The following TUSC3 variants were observed in gnomAD, a reference collection of about 807,000 sequenced individuals.
TUSC3 encodes tumor suppressor candidate 3.
A neutral mutation model predicts 44.8 loss-of-function variants in TUSC3; 45 were observed. The observed-to-expected ratio is 1.00, with a 90% CI of 0.79 to 1.29. The LOEUF is 1.29. TUSC3 is among the 50% of genes most tolerant of loss of function. The pLI is 0.00. For synonymous variants in TUSC3, 212 were observed against 152.9 expected (o/e 1.39, Z -2.85); for missense variants, 519 against 437.9 (o/e 1.19, Z -1.65).
rs1220842368 is a variant in TUSC3, at chr8:15,764,260, A to C, written c.*104A>C. The C allele has an allele frequency of 6.3e-7, 1 of 1,592,922 alleles. No individual in the cohort carries two copies. ...CATAAAGTGAATGTTTACCATGAAG[A>C]TAAACTGTTCCTGACTTTATACTAT... On this transcript the variant is annotated 3_prime_UTR_variant, in exon 11 of 11. Coordinates refer to ENST00000503731, the MANE Select transcript of TUSC3 (RefSeq NM_006765.4).
intron 8 of TUSC3, 49 bp from the exon 9 acceptor site, chr8:15,748,326 T>G (rs757178128): frequency 7.3e-7 from 1 of 1,373,964 alleles, no homozygotes; most frequent in Admixed American, 1.7e-5. Context: ...CAATTGGGGT[T>G]TCATTTGCAT....
At chr8:15,441,878 A>T (rs28650776) in intron 1 of TUSC3, among the ~76,000 whole-genome samples, 24,726 of 152,074 alleles carry the variant, frequency 0.16, 2,086 homozygotes, top group Middle Eastern at 0.23. Context: ...ATTTTACTAG[A>T]TACCAGCTAT....
chr8:15,697,614 C>A (rs1042269948), intron 6 of TUSC3, among the ~76,000 whole-genome samples: 3 of 152,242 alleles, frequency 2.0e-5, no homozygotes, highest in African/African-American at 7.2e-5. Context: ...GCTGCACATA[C>A]CTGTTGAATG....
chr8:15,681,803 A>C (rs1362668528), intron 6 of TUSC3, among the ~76,000 whole-genome samples: 2 of 151,946 alleles, frequency 1.3e-5, no homozygotes, highest in Non-Finnish European at 2.9e-5. Context: ...GGTATTTAAC[A>C]CTATAAACAT....
intron 6 of TUSC3, among the ~76,000 whole-genome samples, chr8:15,708,629 G>T (rs1339040042): frequency 6.6e-6 from 1 of 151,870 alleles, no homozygotes; most frequent in African/African-American, 2.4e-5. Flanking sequence ...TAAGAATTTT[G>T]GTGGAGAAGA....
chr8:15,688,012 G>C (rs536303309), intron 6 of TUSC3, among the ~76,000 whole-genome samples: 1 of 151,974 alleles, frequency 6.6e-6, no homozygotes, highest in South Asian at 2.1e-4. Context: ...AGAGGAGAAA[G>C]GATAAGAACA....
intron 2 of TUSC3, among the ~76,000 whole-genome samples, chr8:15,522,515 G>C (rs1449910235): frequency 6.6e-6 from 1 of 151,458 alleles, no homozygotes; most frequent in Non-Finnish European, 1.5e-5. Flanking sequence ...TCACCGGTAT[G>C]AGCCACCATG....
intron 1 of TUSC3, among the ~76,000 whole-genome samples, chr8:15,463,577 G>T (rs550147309): frequency 1.3e-5 from 2 of 152,172 alleles, no homozygotes; most frequent in South Asian, 4.1e-4. Flanking sequence ...GAATGGTCTA[G>T]TGGCTCTTCA....
intron 6 of TUSC3, among the ~76,000 whole-genome samples, chr8:15,695,908 A>G (rs1252933235): frequency 6.6e-6 from 1 of 152,174 alleles, no homozygotes. Flanking sequence ...AAAGCATTCA[A>G]GAAGTGAGGT....
At chr8:15,722,464 ACCATTTGGTTCTT>A (rs1161790339) in intron 6 of TUSC3, among the ~76,000 whole-genome samples, 3 of 152,034 alleles carry the variant, frequency 2.0e-5, no homozygotes, top group Non-Finnish European at 4.4e-5. Flanking sequence ...CTGCTAGCCC[ACCATTTGGTTCTT>A]CCATCTCCAA....
chr8:15,638,253 T>A (rs1198473712), intron 2 of TUSC3, among the ~76,000 whole-genome samples: 2 of 150,550 alleles, frequency 1.3e-5, no homozygotes, highest in African/African-American at 4.9e-5. Flanking sequence ...CATGGATTAC[T>A]GAAGTTATAA....
Position 15,623,335 on chromosome 8 carries a change from T to C in TUSC3, c.308+86T>C, listed in dbSNP as rs903432740. The C allele has an allele frequency of 3.8e-6, 5 of 1,314,208 alleles. No homozygotes were observed. In the African/African-American group the frequency reaches 7.5e-5, roughly 20 times the overall value. The allele number at this position is 1,314,208 out of a possible 1,614,324, so 81.4% of individuals were successfully genotyped here. On this transcript the variant is annotated intron_variant, in intron 2 of 10. Coordinates refer to ENST00000503731, the MANE Select transcript of TUSC3 (RefSeq NM_006765.4). ...ATGTTCATTTTAAGATAAATATATG[T>C]AAGATAAACAGTTGTTTAATAGTCA... is the stretch of plus-strand genomic sequence containing the variant.
At chr8:15,478,786 G>A (rs533510238) in intron 1 of TUSC3, among the ~76,000 whole-genome samples, 1 of 152,130 alleles carries the variant, frequency 6.6e-6, no homozygotes, top group Non-Finnish European at 1.5e-5. Context: ...TACTCCTTTG[G>A]GTATATACCT....
At chr8:15,588,327 T>G (rs796354686) in intron 1 of TUSC3, among the ~76,000 whole-genome samples, 20 of 152,314 alleles carry the variant, frequency 1.3e-4, no homozygotes, top group African/African-American at 4.6e-4. Flanking sequence ...TGCACATTTT[T>G]TCAGATACTT....
At chr8:15,597,073 G>C (rs1804104203) in intron 1 of TUSC3, among the ~76,000 whole-genome samples, 1 of 152,050 alleles carries the variant, frequency 6.6e-6, no homozygotes, top group Non-Finnish European at 1.5e-5. Context: ...ATGTCAGCAG[G>C]GGTGGTACAG....
At chr8:15,827,133 T>C in the TUSC3 span, among the ~76,000 whole-genome samples, 1 of 152,124 alleles carries the variant, frequency 6.6e-6, no homozygotes. Flanking sequence ...ATGGAGGCAA[T>C]TTAGAGACTA....
rs374512543 is a variant in TUSC3, at chr8:15,450,105, C to T, written n.91+32800C>T. Among the ~76,000 whole-genome samples, 99 of 152,178 alleles carry T rather than the reference C, an allele frequency of 6.5e-4. 2 individuals carry two copies. In the South Asian group the frequency reaches 0.015, roughly 24 times the overall value. On this transcript the variant is annotated intron_variant and non_coding_transcript_variant, in intron 1 of 5. Coordinates refer to the TUSC3 transcript ENST00000503191. The stretch of plus-strand genomic sequence containing the variant: ...ATTCTTGTCATTGAGTGACACATGA[C>T]GACTGTATGTTTATCTTTATAAACA...
intron 10 of TUSC3, among the ~76,000 whole-genome samples, chr8:15,758,867 A>G (rs1812047854): frequency 6.6e-6 from 1 of 152,088 alleles, no homozygotes; most frequent in Non-Finnish European, 1.5e-5. Flanking sequence ...GACAGATCTA[A>G]AAAGCTTCCA....
intron 6 of TUSC3, among the ~76,000 whole-genome samples, chr8:15,712,329 T>A (rs955366649): frequency 4.6e-5 from 7 of 151,998 alleles, no homozygotes; most frequent in Non-Finnish European, 1.0e-4. Flanking sequence ...ATTTTTCTGT[T>A]TAACTTCTGT....
Sources: gnomAD v4.1 joint callset for allele counts (sites outside exome capture counted in the v4.1 genomes callset) on GRCh38, gnomAD v4.1.1 for gene constraint, MANE v1.5 for transcripts, NCBI Gene and HGNC (gene_info 2026-07-23, HGNC 2026-07-21) for gene names.